Variants in CYREN observed in about 807,000 individuals in gnomAD.
CYREN encodes the protein cell cycle regulator of non-homologous end joining.
Under a neutral mutation model 9.7 loss-of-function variants are expected in CYREN, and 7 were observed. The observed-to-expected ratio is 0.72, with a 90% CI of 0.41 to 1.36. The LOEUF (loss-of-function observed/expected upper bound fraction) is 1.36, where lower values mean the gene tolerates loss of function less well. CYREN is among the 40% of genes most tolerant of loss of function. The pLI is 0.01. For synonymous variants in CYREN, 76 were observed against 77.9 expected (o/e 0.98, Z 0.13); for missense variants, 215 against 198.1 (o/e 1.09, Z -0.51).
downstream of CYREN, among the ~76,000 whole-genome samples, chr7:135,162,789 T>C (rs1000003403): frequency 5.9e-5 from 9 of 152,340 alleles, no homozygotes; most frequent in Non-Finnish European, 5.9e-5. Context: ...TATCCCATAC[T>C]GGAAAATACA....
At chr7:135,096,441 T>C (rs889649719) in intron 2 of CYREN, among the ~76,000 whole-genome samples, 4 of 150,350 alleles carry the variant, frequency 2.7e-5, no homozygotes, top group Non-Finnish European at 5.9e-5. Context: ...GAGATATATA[T>C]GGCTATTCTT....
At chr7:135,099,220 G>A (rs987385949) in intron 2 of CYREN, among the ~76,000 whole-genome samples, 5 of 152,114 alleles carry the variant, frequency 3.3e-5, no homozygotes, top group African/African-American at 1.2e-4. Flanking sequence ...TAGTGTACCT[G>A]TCACTGTCTT....
At chr7:135,172,469 G>GCAAAAAAAA, upstream of CYREN, among the ~76,000 whole-genome samples, 1 of 6,488 alleles carries the variant, frequency 1.5e-4, no homozygotes, top group Non-Finnish European at 1.6e-3. Context: ...TATTTTGTCT[G>GCAAAAAAAA]GAAAAAAAAA....
intron 2 of CYREN, among the ~76,000 whole-genome samples, chr7:135,097,601 G>A (rs1020751799): frequency 5.3e-5 from 8 of 152,112 alleles, no homozygotes; most frequent in Non-Finnish European, 1.0e-4. Flanking sequence ...TCTTCCATAT[G>A]TTGTACTGTG....
At chr7:135,106,876 T>G (rs887042347) in intron 2 of CYREN, among the ~76,000 whole-genome samples, 1 of 152,210 alleles carries the variant, frequency 6.6e-6, no homozygotes, top group African/African-American at 2.4e-5. Context: ...TATTTATTAC[T>G]GATTCTATTT....
At chr7:135,096,775 G>GAA (rs1554516788) in intron 2 of CYREN, among the ~76,000 whole-genome samples, 1 of 148,540 alleles carries the variant, frequency 6.7e-6, no homozygotes, top group Non-Finnish European at 1.5e-5. Context: ...AAGAAAGAAA[G>GAA]AAAGAAAGAA....
chr7:135,163,280 G>A (rs1829994495), downstream of CYREN, among the ~76,000 whole-genome samples: 1 of 152,164 alleles, frequency 6.6e-6, no homozygotes. Flanking sequence ...AGAAAATATT[G>A]GTAGAATATT....
chr7:135,156,533 AT>A (rs1829798451), intron 2 of CYREN, among the ~76,000 whole-genome samples: 1 of 151,808 alleles, frequency 6.6e-6, no homozygotes, highest in Non-Finnish European at 1.5e-5. Context: ...CCTTCAATGA[AT>A]TTTTTAGTTC....
intron 2 of CYREN, among the ~76,000 whole-genome samples, chr7:135,144,258 G>C (rs1223179085): frequency 6.6e-6 from 1 of 152,128 alleles, no homozygotes; most frequent in Non-Finnish European, 1.5e-5. Context: ...ACGCCACTCA[G>C]GACCATGCTC....
At chr7:135,100,865 T>C (rs1823728540) in intron 2 of CYREN, among the ~76,000 whole-genome samples, 1 of 152,184 alleles carries the variant, frequency 6.6e-6, no homozygotes, top group South Asian at 2.1e-4. Context: ...CTTGAGCAAA[T>C]AGCTTAACCT....
chr7:135,117,141 G>A (rs56392411), intron 2 of CYREN, among the ~76,000 whole-genome samples: 4,700 of 152,260 alleles, frequency 0.031, 240 homozygotes, highest in African/African-American at 0.11. Flanking sequence ...TCATGGAAGT[G>A]AAAAATATCT....
intron 2 of CYREN, among the ~76,000 whole-genome samples, chr7:135,141,027 T>C (rs889694193): frequency 6.6e-5 from 10 of 152,128 alleles, no homozygotes; most frequent in African/African-American, 1.7e-4. Flanking sequence ...CTTTTTTTCA[T>C]TGTGCCTCTG....
At chr7:135,107,392 C>A (rs567647950) in intron 2 of CYREN, among the ~76,000 whole-genome samples, 1 of 152,206 alleles carries the variant, frequency 6.6e-6, no homozygotes, top group East Asian at 1.9e-4. Flanking sequence ...TAGCTATGTC[C>A]CAGAGATTCT....
At chr7:135,143,071 G>A (rs530751784) in intron 2 of CYREN, among the ~76,000 whole-genome samples, 1 of 152,316 alleles carries the variant, frequency 6.6e-6, no homozygotes, top group Admixed American at 6.5e-5. Flanking sequence ...TATAGACTGA[G>A]TGCGGTGGCT....
intron 2 of CYREN, among the ~76,000 whole-genome samples, chr7:135,096,584 C>CATAGATACATAG (rs1822813714): frequency 2.3e-5 from 2 of 88,816 alleles, no homozygotes; most frequent in African/African-American, 7.9e-5. Context: ...TAGATAGATA[C>CATAGATACATAG]ATAGATAGAT....
At chr7:135,164,333 A>T, downstream of CYREN, 1 of 1,166,950 alleles carries the variant, frequency 8.6e-7, no homozygotes, top group Non-Finnish European at 1.2e-6. Flanking sequence ...AGTTTGTAAG[A>T]AATGCCAAAG....
intron 2 of CYREN, 21 bp from the exon 3 acceptor site, chr7:135,167,828 GCACAGATGA>G: frequency 6.2e-7 from 1 of 1,614,072 alleles, no homozygotes; most frequent in East Asian, 2.2e-5. Flanking sequence ...GACATGCAAG[GCACAGATGA>G]CACAGACTCT....
intron 2 of CYREN, among the ~76,000 whole-genome samples, chr7:135,125,719 G>A (rs554920602): frequency 6.6e-6 from 1 of 152,196 alleles, no homozygotes; most frequent in East Asian, 1.9e-4. Flanking sequence ...CTTCATCCCT[G>A]GGATGCAAGG....
chr7:135,164,447 C>T (rs145457881), downstream of CYREN: 204 of 1,597,022 alleles, frequency 1.3e-4, 1 homozygote, highest in Middle Eastern at 1.0e-3. Context: ...TAGAGATGGC[C>T]GGCCCAAGGC....
Sources: allele counts gnomAD v4.1 joint callset (sites outside exome capture counted in the v4.1 genomes callset), GRCh38; gene constraint gnomAD v4.1.1; transcripts MANE v1.5; gene names NCBI Gene and HGNC (gene_info 2026-07-23, HGNC 2026-07-21).